Variants in PAPPA2 observed in about 807,000 individuals in gnomAD.
PAPPA2 encodes the protein pappalysin-2.
A neutral mutation model predicts 176.4 loss-of-function variants in PAPPA2; 86 were observed. The observed-to-expected ratio is 0.49, with a 90% CI of 0.41 to 0.58. PAPPA2 has a LOEUF of 0.58. Among genes scored for constraint, PAPPA2 ranks in the 20% least tolerant of loss-of-function variants. The probability of loss-of-function intolerance (pLI) is 0.00; values close to 1 mark genes in which losing one functional copy is unlikely to be tolerated. For synonymous variants in PAPPA2, 809 were observed against 852.2 expected (o/e 0.95, Z 0.88); for missense variants, 2,073 against 2,256.9 (o/e 0.92, Z 1.65).
At chr1:176,526,588 A>G (rs567995943) in intron 1 of PAPPA2, among the ~76,000 whole-genome samples, 1 of 152,274 alleles carries the variant, frequency 6.6e-6, no homozygotes, top group African/African-American at 2.4e-5. Context: ...TTGTGGGGAG[A>G]AAACCTTTTA....
chr1:176,688,752 G>A (rs185844379), intron 4 of PAPPA2, among the ~76,000 whole-genome samples: 1 of 152,260 alleles, frequency 6.6e-6, no homozygotes, highest in East Asian at 1.9e-4. Flanking sequence ...AAACTGTCCT[G>A]TGTAGTACAG....
intron 7 of PAPPA2, 24 bp from the exon 8 acceptor site, chr1:176,699,076 A>C: frequency 6.3e-7 from 1 of 1,593,192 alleles, no homozygotes; most frequent in Non-Finnish European, 8.6e-7. Flanking sequence ...CTACTGATGT[A>C]TCTTTCTGCT....
At chr1:176,785,684 T>G (rs1664903825) in intron 17 of PAPPA2, among the ~76,000 whole-genome samples, 2 of 152,160 alleles carry the variant, frequency 1.3e-5, no homozygotes, top group Admixed American at 6.5e-5. Flanking sequence ...GCTGGTGGTT[T>G]GTAGCGCAGG....
chr1:176,754,295 C>T (rs911707840), intron 14 of PAPPA2, among the ~76,000 whole-genome samples: 1 of 152,158 alleles, frequency 6.6e-6, no homozygotes, highest in African/African-American at 2.4e-5. Flanking sequence ...TTTAAAACAA[C>T]TCCTCCCTAG....
intron 21 of PAPPA2, among the ~76,000 whole-genome samples, chr1:176,807,263 G>C (rs989745123): frequency 3.9e-5 from 6 of 152,282 alleles, no homozygotes; most frequent in African/African-American, 1.4e-4. Flanking sequence ...GGCAATACAA[G>C]TGTGTGTATA....
chr1:176,795,974 G>A (rs1482920906), intron 20 of PAPPA2, among the ~76,000 whole-genome samples: 1 of 152,182 alleles, frequency 6.6e-6, no homozygotes, highest in East Asian at 1.9e-4. Flanking sequence ...TAAAGAGAAG[G>A]GAGAAGGAGG....
At chr1:176,505,672 C>T (rs937985775) in intron 1 of PAPPA2, among the ~76,000 whole-genome samples, 2 of 151,900 alleles carry the variant, frequency 1.3e-5, no homozygotes, top group South Asian at 2.1e-4. Context: ...GCAACAACAA[C>T]AACAAAAAGC....
intron 12 of PAPPA2, among the ~76,000 whole-genome samples, chr1:176,724,700 T>G (rs1571231030): frequency 1.3e-5 from 2 of 152,318 alleles, no homozygotes; most frequent in South Asian, 4.1e-4. Flanking sequence ...CTCCAAACAC[T>G]GACTGTGAAT....
intron 17 of PAPPA2, among the ~76,000 whole-genome samples, chr1:176,782,172 A>G (rs1664748875): frequency 6.6e-6 from 1 of 152,212 alleles, no homozygotes; most frequent in African/African-American, 2.4e-5. Context: ...TCTGCCATCA[A>G]CCAATTAGAT....
At chr1:176,788,742 A>G (rs1211874337) in intron 17 of PAPPA2, among the ~76,000 whole-genome samples, 1 of 152,202 alleles carries the variant, frequency 6.6e-6, no homozygotes, top group Non-Finnish European at 1.5e-5. Flanking sequence ...CTTCCAGGGC[A>G]GTATTGAGTC....
intron 17 of PAPPA2, among the ~76,000 whole-genome samples, chr1:176,777,516 A>T (rs1474635446): frequency 6.6e-6 from 1 of 152,170 alleles, no homozygotes; most frequent in African/African-American, 2.4e-5. Flanking sequence ...TAAAGAAGGT[A>T]ATGTAGTCAA....
chr1:176,810,607 G>A (rs1315959657), intron 21 of PAPPA2, among the ~76,000 whole-genome samples: 2 of 152,200 alleles, frequency 1.3e-5, no homozygotes, highest in Admixed American at 6.5e-5. Flanking sequence ...CTCCTGCTGT[G>A]TGGCCCGGTT....
intron 12 of PAPPA2, among the ~76,000 whole-genome samples, chr1:176,730,491 C>T (rs1251442348): frequency 6.6e-6 from 1 of 151,706 alleles, no homozygotes; most frequent in East Asian, 1.9e-4. Context: ...CCTTCTTTTT[C>T]TCTTTTTCTT....
intron 21 of PAPPA2, among the ~76,000 whole-genome samples, chr1:176,828,828 C>G (rs1047965076): frequency 7.9e-5 from 12 of 151,674 alleles, no homozygotes; most frequent in African/African-American, 2.9e-4. Flanking sequence ...ATGGTGAAAC[C>G]CCGTCTCTAC....
chr1:176,731,555 G>C (rs1662142568), intron 12 of PAPPA2, among the ~76,000 whole-genome samples: 1 of 151,800 alleles, frequency 6.6e-6, no homozygotes, highest in Non-Finnish European at 1.5e-5. Flanking sequence ...CAAATGATCT[G>C]CCAGCCTCAA....
At chr1:176,778,728 G>T (rs1170724507) in intron 17 of PAPPA2, among the ~76,000 whole-genome samples, 2 of 152,108 alleles carry the variant, frequency 1.3e-5, no homozygotes, top group Non-Finnish European at 2.9e-5. Flanking sequence ...CTCAAGGAAA[G>T]AACACACATT....
chr1:176,606,537 T>C (rs868864695), intron 3 of PAPPA2, among the ~76,000 whole-genome samples: 1 of 152,174 alleles, frequency 6.6e-6, no homozygotes, highest in Non-Finnish European at 1.5e-5. Flanking sequence ...TGATCTCAGC[T>C]CACTGCAACC....
chr1:176,735,269 T>C (rs1323154012), intron 12 of PAPPA2, among the ~76,000 whole-genome samples: 1 of 152,134 alleles, frequency 6.6e-6, no homozygotes, highest in Non-Finnish European at 1.5e-5. Flanking sequence ...CTGCCTACTT[T>C]TCTTCTGGTC....
chr1:176,562,140 G>A (rs1176257151), intron 2 of PAPPA2, among the ~76,000 whole-genome samples: 3 of 152,298 alleles, frequency 2.0e-5, no homozygotes, highest in South Asian at 2.1e-4. Context: ...GACCCTTCAC[G>A]ATTTCTTGAT....
Sources: gnomAD v4.1 joint callset for allele counts (sites outside exome capture counted in the v4.1 genomes callset) on GRCh38, gnomAD v4.1.1 for gene constraint, MANE v1.5 for transcripts, NCBI Gene and HGNC (gene_info 2026-07-23, HGNC 2026-07-21) for gene names.